DEUP1: variants seen among roughly 807,000 people sequenced by gnomAD.
The protein encoded by DEUP1 is deuterosome assembly protein 1.
A neutral mutation model predicts 87.4 loss-of-function variants in DEUP1; 82 were observed. The observed-to-expected ratio is 0.94, with a 90% confidence interval of 0.78 to 1.13. The LOEUF (loss-of-function observed/expected upper bound fraction) is 1.13, where lower values mean the gene tolerates loss of function less well. Among genes scored for constraint, DEUP1 ranks in the 50% most tolerant of loss-of-function variants. DEUP1 has a pLI of 0.00. For synonymous variants in DEUP1, 214 were observed against 222.7 expected, an observed-to-expected ratio of 0.96 and a Z score of 0.35; for missense variants, 663 against 681.5, an observed-to-expected ratio of 0.97 and a Z score of 0.30.
intron 2 of DEUP1, among the ~76,000 whole-genome samples, chr11:93,344,892 T>C (rs1252873759): frequency 6.6e-6 from 1 of 151,856 alleles, no homozygotes; most frequent in African/African-American, 2.4e-5. Context: ...AGGTGCATGT[T>C]GAGGTTTGTT....
intron 2 of DEUP1, among the ~76,000 whole-genome samples, chr11:93,343,130 A>T (rs1161467738): frequency 6.6e-6 from 1 of 152,258 alleles, no homozygotes; most frequent in Non-Finnish European, 1.5e-5. Flanking sequence ...GCTAGCTGGC[A>T]TAAGAATGAG....
intron 8 of DEUP1, among the ~76,000 whole-genome samples, chr11:93,386,163 C>A (rs1178615388): frequency 6.6e-6 from 1 of 152,044 alleles, no homozygotes; most frequent in African/African-American, 2.4e-5. Flanking sequence ...ATTGCCTATA[C>A]CTGATGTCAA....
At chr11:93,342,505 G>T (rs544361577) in intron 2 of DEUP1, among the ~76,000 whole-genome samples, 1 of 152,284 alleles carries the variant, frequency 6.6e-6, no homozygotes, top group South Asian at 2.1e-4. Flanking sequence ...TCCTTAAGTG[G>T]TCACCATCAG....
chr11:93,417,437 C>G (rs574328724), intron 13 of DEUP1, among the ~76,000 whole-genome samples: 1 of 151,960 alleles, frequency 6.6e-6, no homozygotes, highest in African/African-American at 2.4e-5. Flanking sequence ...ACAATTGCTT[C>G]AAAGATAATA....
chr11:93,435,024 T>A (rs1948202796), intron 13 of DEUP1, among the ~76,000 whole-genome samples: 1 of 152,196 alleles, frequency 6.6e-6, no homozygotes, highest in Admixed American at 6.5e-5. Flanking sequence ...CCCACTGCCA[T>A]ACTCTTTTGC....
At chr11:93,356,633 T>G (rs1441960780) in intron 3 of DEUP1, among the ~76,000 whole-genome samples, 1 of 152,200 alleles carries the variant, frequency 6.6e-6, no homozygotes, top group Admixed American at 6.5e-5. Context: ...GTAGAGGTTT[T>G]GCTTGGAATG....
At chr11:93,427,239 A>G (rs1947950565) in intron 13 of DEUP1, among the ~76,000 whole-genome samples, 1 of 151,206 alleles carries the variant, frequency 6.6e-6, no homozygotes, top group African/African-American at 2.4e-5. Flanking sequence ...ACAAGGCTAC[A>G]GTAACCAAAA....
chr11:93,399,676 G>A (rs1947057951), intron 11 of DEUP1, among the ~76,000 whole-genome samples: 1 of 151,586 alleles, frequency 6.6e-6, no homozygotes, highest in African/African-American at 2.4e-5. Context: ...GGAACTTATT[G>A]TTAATATAGA....
At chr11:93,376,277 G>A (rs371370463) in intron 7 of DEUP1, among the ~76,000 whole-genome samples, 17 of 152,178 alleles carry the variant, frequency 1.1e-4, no homozygotes, top group African/African-American at 2.6e-4. Flanking sequence ...GCTTGCTCTC[G>A]TTCTTTTCAG....
rs10831029 is a variant in DEUP1 at position 93,352,371 on chromosome 11, T to A, written c.30-3000T>A. ...AGTGACTGGACTTACACCAGCTCCC[T>A]GGAGAATGCTTCAGCTTCTTTGAAA... On this transcript the variant is annotated intron_variant, in intron 2 of 13. Coordinates refer to ENST00000298050, the MANE Select transcript of DEUP1 (RefSeq NM_181645.4). The A allele has an allele frequency of 2.3e-5, 16 of 702,176 alleles. No homozygotes were observed. The African/African-American group carries it at 2.4e-4, about 11-fold the overall frequency. The allele number at this position is 702,176 out of a possible 1,614,324, so 43.5% of individuals were successfully genotyped here.
At chr11:93,370,635 A>T (rs1945668579) in intron 6 of DEUP1, among the ~76,000 whole-genome samples, 1 of 152,196 alleles carries the variant, frequency 6.6e-6, no homozygotes. Flanking sequence ...GTGTTTGTAC[A>T]CTAGGAATTA....
chr11:93,405,785 C>T (rs971999667), intron 11 of DEUP1, among the ~76,000 whole-genome samples: 1 of 151,780 alleles, frequency 6.6e-6, no homozygotes, highest in Non-Finnish European at 1.5e-5. Flanking sequence ...TATGGGATGC[C>T]TTTATGAAAG....
chr11:93,381,110 C>T (rs926806874), intron 7 of DEUP1, among the ~76,000 whole-genome samples: 3 of 152,118 alleles, frequency 2.0e-5, no homozygotes, highest in Admixed American at 6.5e-5. Flanking sequence ...ATTTTACTCA[C>T]GTTTCATTCT....
chr11:93,414,487 A>G (rs1457613448), intron 12 of DEUP1, among the ~76,000 whole-genome samples: 1 of 152,140 alleles, frequency 6.6e-6, no homozygotes, highest in African/African-American at 2.4e-5. Flanking sequence ...AGCCTAGGCG[A>G]CAGAGCAAGG....
At chr11:93,332,402 T>C (rs543741369) in intron 2 of DEUP1, 114 bp downstream of exon 2, 13 of 789,330 alleles carry the variant, frequency 1.6e-5, no homozygotes, top group Non-Finnish European at 2.5e-5. Context: ...CCAATTATTT[T>C]TGGTGAGGCG....
chr11:93,405,990 A>C (rs543488790), intron 11 of DEUP1, among the ~76,000 whole-genome samples: 2 of 152,008 alleles, frequency 1.3e-5, no homozygotes. Flanking sequence ...GTATATTCGA[A>C]TCTGAGGAGT....
chr11:93,358,694 G>A (rs1485807122), intron 4 of DEUP1, among the ~76,000 whole-genome samples: 2 of 152,006 alleles, frequency 1.3e-5, no homozygotes, highest in Non-Finnish European at 2.9e-5. Flanking sequence ...AGTGATTGTC[G>A]TGCCTCAGCC....
At chr11:93,399,306 T>C (rs1947042868) in intron 11 of DEUP1, among the ~76,000 whole-genome samples, 2 of 152,038 alleles carry the variant, frequency 1.3e-5, no homozygotes, top group Non-Finnish European at 2.9e-5. Flanking sequence ...TTTAAATTTT[T>C]ATGTAAACAT....
intron 7 of DEUP1, among the ~76,000 whole-genome samples, chr11:93,377,082 A>G (rs1177675698): frequency 6.6e-6 from 1 of 152,162 alleles, no homozygotes; most frequent in Middle Eastern, 3.2e-3. Flanking sequence ...GATGAATAGA[A>G]TATATATTTG....
Sources: gnomAD v4.1 joint callset for allele counts (sites outside exome capture counted in the v4.1 genomes callset) on GRCh38, gnomAD v4.1.1 for gene constraint, MANE v1.5 for transcripts, NCBI Gene and HGNC (gene_info 2026-07-23, HGNC 2026-07-21) for gene names.